MPP2: variants seen among roughly 807,000 people sequenced by gnomAD.
MPP2 encodes the protein MAGUK p55 scaffold protein 2.
A neutral mutation model predicts 58.5 loss-of-function variants in MPP2; 42 were observed. The observed-to-expected ratio is 0.72, with a 90% CI of 0.56 to 0.93. The LOEUF is 0.93. MPP2 is among the 40% of genes least tolerant of loss of function. The pLI, the probability that MPP2 is intolerant of heterozygous loss-of-function variation, is 0.00. For synonymous variants in MPP2, 300 were observed against 307.8 expected (o/e 0.97, Z 0.26); for missense variants, 632 against 760.4 (o/e 0.83, Z 1.99).
At chr17:43,889,878 T>C (rs1434160388) in intron 3 of MPP2, among the ~76,000 whole-genome samples, 1 of 143,728 alleles carries the variant, frequency 7.0e-6, no homozygotes, top group Non-Finnish European at 1.5e-5. Flanking sequence ...AGTGGCGCAA[T>C]CTCGGCTCAC....
intron 3 of MPP2, among the ~76,000 whole-genome samples, chr17:43,890,998 TG>T (rs1170645036): frequency 6.6e-6 from 1 of 152,158 alleles, no homozygotes; most frequent in Middle Eastern, 3.2e-3. Flanking sequence ...CACAGCACGA[TG>T]GTTTGTTACA....
intron 4 of MPP2, 37 bp from the exon 5 acceptor site, chr17:43,883,089 G>C (rs1285866467): frequency 6.3e-7 from 1 of 1,584,414 alleles, no homozygotes; most frequent in Admixed American, 1.8e-5. Context: ...CAATGGGGCA[G>C]TGTCCCGGGT....
At chr17:43,887,933 T>TG in intron 3 of MPP2, among the ~76,000 whole-genome samples, 1 of 152,210 alleles carries the variant, frequency 6.6e-6, no homozygotes, top group East Asian at 1.9e-4. Flanking sequence ...TGAGATGTAC[T>TG]CCAAAACAAT....
At chr17:43,909,704 T>G, upstream of MPP2, 5 of 887,890 alleles carry the variant, frequency 5.6e-6, no homozygotes, top group Non-Finnish European at 7.8e-6. Flanking sequence ...AATAAAGGCC[T>G]TGCAGAATGC....
Position 43,875,555 on chromosome 17 carries a change from G to A in MPP2, c.*2252C>T, listed in dbSNP as rs2046783325. On this transcript the variant is annotated 3_prime_UTR_variant, in exon 13 of 13. Transcript: ENST00000269095. ...CACAATGGCAGGGAGGGAGAACAGAGTCATAGAGCTGTGGTGGGGGCACAC... is the reference window on the plus strand; with the variant it reads ...CACAATGGCAGGGAGGGAGAACAGAATCATAGAGCTGTGGTGGGGGCACAC... 6.6e-6 allele frequency: 1 copy of A among 151,742 alleles called. No individual in the cohort carries two copies. Among genetic ancestry groups the A allele is most frequent in the Non-Finnish European group, 1.5e-5 (1 of 68,158 alleles). 9.4% of individuals were successfully genotyped at this position (151,742 alleles called of 1,614,324 possible).
chr17:43,900,772 A>G (rs2143768141), intron 2 of MPP2: 1 of 372,254 alleles, frequency 2.7e-6, no homozygotes, highest in Admixed American at 6.4e-5. Context: ...GGGTGGGAGA[A>G]GAGTGGTGGG....
rs773403429 is a variant in MPP2, at chr17:43,880,036, C to T, written c.1151-52G>A. The T allele has an allele frequency of 1.3e-6, 2 of 1,568,282 alleles. No homozygotes were observed. Among genetic ancestry groups the T allele is most frequent in the Non-Finnish European group, 8.8e-7 (1 of 1,140,444 alleles). ...AAATGGGCAGGGGCAGGTTACAGTG[C>T]CTCAGACACATATATGCACCCCTAC... is the stretch of plus-strand genomic sequence containing the variant. On this transcript the variant is annotated intron_variant, in intron 10 of 12. Transcript: ENST00000269095. The surrounding 1 kb of genome is among the most constrained non-coding windows in gnomAD (Gnocchi z 5.2).
Position 43,903,680 on chromosome 17 carries a change from T to A in MPP2, c.31+750A>T, listed in dbSNP as rs1342881570. ...CCAGCCTAGGCTAAAGAGCCAGAAC[T>A]TGTCTCAAAAACAACAACAACAACT... On this transcript the variant is annotated intron_variant, in intron 2 of 12. Coordinates refer to ENST00000269095, the MANE Select transcript of MPP2 (RefSeq NM_005374.5). Among the ~76,000 whole-genome samples, 17 of 152,156 alleles carry A rather than the reference T, an allele frequency of 1.1e-4. 1 individual carries two copies.
chr17:43,907,884 C>T, upstream of MPP2: 2 of 985,426 alleles, frequency 2.0e-6, no homozygotes, highest in Non-Finnish European at 1.2e-6. Flanking sequence ...GACCGGCGTT[C>T]TAGTTCCAGG....
chr17:43,903,896 C>T (rs1213415633), intron 2 of MPP2, among the ~76,000 whole-genome samples: 1 of 152,166 alleles, frequency 6.6e-6, no homozygotes, highest in Non-Finnish European at 1.5e-5. Context: ...TGTCCTAATG[C>T]CTCCTACAGA....
intron 3 of MPP2, chr17:43,883,945 C>T (rs887036933): frequency 3.5e-6 from 2 of 569,366 alleles, no homozygotes; most frequent in Admixed American, 3.3e-5. Flanking sequence ...AGGAATCCTT[C>T]GCCAGTGACC....
chr17:43,876,168 A>T lies in MPP2; in HGVS notation c.*1639T>A, dbSNP rs146672113. 1.3e-5 allele frequency: 2 copies of T among 152,762 alleles called. No individual in the cohort carries two copies. The highest frequency in any genetic ancestry group is 2.9e-5 in the Non-Finnish European group (2 of 68,032). 9.5% of individuals were successfully genotyped at this position (152,762 alleles called of 1,614,324 possible). ...TAAGAAATATATTCTAACATTTGTA[A>T]TAAATATTCTGTTTATTCTCCTTCC... On this transcript the variant is annotated 3_prime_UTR_variant, in exon 13 of 13. Coordinates refer to ENST00000269095, the MANE Select transcript of MPP2 (RefSeq NM_005374.5).
At chr17:43,902,160 C>T (rs775986118) in intron 2 of MPP2, among the ~76,000 whole-genome samples, 4 of 152,170 alleles carry the variant, frequency 2.6e-5, no homozygotes, top group Non-Finnish European at 5.9e-5. Flanking sequence ...TGTACTTCTT[C>T]CTTTGAATAT....
intron 1 of MPP2, chr17:43,907,050 G>A (rs1232085074): frequency 1.3e-5 from 6 of 467,686 alleles, no homozygotes; most frequent in African/African-American, 2.1e-5. Flanking sequence ...TGCCTAGGGG[G>A]ACCAGGGGGC....
chr17:43,888,668 G>A (rs1360078510), intron 3 of MPP2, among the ~76,000 whole-genome samples: 2 of 152,174 alleles, frequency 1.3e-5, no homozygotes, highest in Non-Finnish European at 1.5e-5. Flanking sequence ...TCTGGTCCAC[G>A]GATGGAGGAC....
chr17:43,887,547 G>C (rs1382081423), intron 3 of MPP2, among the ~76,000 whole-genome samples: 1 of 151,758 alleles, frequency 6.6e-6, no homozygotes, highest in Non-Finnish European at 1.5e-5. Context: ...TTCACATAGA[G>C]ATCTCTGATC....
chr17:43,900,461 C>T, intron 2 of MPP2: 1 of 1,549,036 alleles, frequency 6.5e-7, no homozygotes, highest in Middle Eastern at 1.7e-4. Flanking sequence ...TCTGGCCCGC[C>T]CTTCCCTACC....
At position 43,900,274 on chromosome 17, in the gene MPP2, G is replaced by A. The variant is rs1454780766; in HGVS notation, c.32-1894C>T. 2.0e-5 allele frequency among the ~76,000 whole-genome samples: 3 copies of A among 152,208 alleles called. No homozygotes were observed. In the East Asian group the frequency reaches 5.8e-4, roughly 29 times the overall value. On this transcript the variant is annotated intron_variant, in intron 2 of 12. Transcript: ENST00000269095. ...GGCAGGGACCCTTCCCTTCCTGCCA[G>A]GGTATGCCAGATTCCCTCCGTTATC...
At chr17:43,908,290 A>C (rs1235571801), upstream of MPP2, among the ~76,000 whole-genome samples, 1 of 152,152 alleles carries the variant, frequency 6.6e-6, no homozygotes, top group South Asian at 2.1e-4. Context: ...GGGCCTCCAA[A>C]TACGGGAGGC....
Sources: gnomAD v4.1 joint callset for allele counts (sites outside exome capture counted in the v4.1 genomes callset) on GRCh38, gnomAD v4.1.1 for gene constraint, Gnocchi (gnomAD v3.1) non-coding constraint, MANE v1.5 for transcripts, NCBI Gene and HGNC (gene_info 2026-07-23, HGNC 2026-07-21) for gene names.